The following EVC variants were observed in gnomAD, a reference collection of about 807,000 sequenced individuals.
EVC encodes the protein evC complex member EVC.
Under a neutral mutation model 118.9 loss-of-function variants are expected in EVC, and 116 were observed. The ratio of observed to expected loss-of-function variants is 0.98; its 90% confidence interval spans 0.84 to 1.14. The LOEUF (loss-of-function observed/expected upper bound fraction) is 1.14, where lower values mean the gene tolerates loss of function less well. Ranked by LOEUF, EVC falls within the 50% of genes most tolerant of loss-of-function variation. EVC has a pLI of 0.00. For missense variants in EVC, 1,401 were observed against 1,246.4 expected (o/e 1.12, Z -1.87); for synonymous variants, 619 against 534.7 (o/e 1.16, Z -2.18).
At chr4:5,790,028 A>G (rs1257300748) in intron 12 of EVC, among the ~76,000 whole-genome samples, 2 of 152,090 alleles carry the variant, frequency 1.3e-5, no homozygotes, top group Non-Finnish European at 2.9e-5. Flanking sequence ...TAAAAATACA[A>G]AAATGAGTCG....
At chr4:5,771,878 C>G (rs768109501) in intron 11 of EVC, among the ~76,000 whole-genome samples, 16 of 147,724 alleles carry the variant, frequency 1.1e-4, no homozygotes, top group Non-Finnish European at 1.9e-4. Context: ...CGGAATGTGG[C>G]TTTTTATTTT....
intron 8 of EVC, 129 bp downstream of exon 8, chr4:5,748,435 A>T: frequency 1.1e-6 from 1 of 934,708 alleles, no homozygotes; most frequent in Non-Finnish European, 1.6e-6. Context: ...AGGGAAAAAA[A>T]AACCAACAAC....
intron 2 of EVC, among the ~76,000 whole-genome samples, chr4:5,725,431 T>C (rs946018769): frequency 6.6e-6 from 1 of 152,218 alleles, no homozygotes; most frequent in African/African-American, 2.4e-5. Context: ...TGGCATGAGA[T>C]GGTATCTCAT....
intron 5 of EVC, among the ~76,000 whole-genome samples, chr4:5,734,358 A>C (rs1195401718): frequency 1.3e-5 from 2 of 152,130 alleles, no homozygotes; most frequent in Admixed American, 1.3e-4. Flanking sequence ...ATCACGTTGG[A>C]GGCCAGGCAT....
intron 1 of EVC, among the ~76,000 whole-genome samples, chr4:5,717,214 T>G (rs896860979): frequency 1.3e-5 from 2 of 152,270 alleles, no homozygotes; most frequent in African/African-American, 2.4e-5. Context: ...TTGTATTGAG[T>G]TTTTCATATT....
Position 5,748,229 on chromosome 4 carries a change from C to T in EVC, c.1021C>T (p.Gln341Ter), listed in dbSNP as rs1729663828. The change falls in exon 8 of 21, where the codon CAG becomes TAG. Residue 341 changes from glutamine (Q) to a stop codon, truncating the protein, a stop_gained. Transcript: ENST00000264956. LOFTEE classifies it high-confidence loss of function. ...QFKCSSSKARQLMMTLTERMI... is the reference protein window; with the variant it reads ...QFKCSSSKAR ...TAAGTGTTCCAGCTCCAAAGCCCGA[C>T]AGCTGATGATGACTCTGACGGAAAG... is the stretch of plus-strand genomic sequence containing the variant. 6 of 1,614,074 alleles carry T rather than the reference C, an allele frequency of 3.7e-6. No homozygotes were observed. The highest frequency in any genetic ancestry group is 1.3e-5 in the African/African-American group (1 of 74,934).
At chr4:5,763,936 A>G (rs1732462525) in intron 11 of EVC, among the ~76,000 whole-genome samples, 10 of 130,080 alleles carry the variant, frequency 7.7e-5, no homozygotes, top group Admixed American at 1.5e-4. Flanking sequence ...TTCCAACACT[A>G]TGTTGAATAG....
chr4:5,733,546 AC>A (rs1468809479), intron 5 of EVC, 111 bp downstream of exon 5: 1 of 963,914 alleles, frequency 1.0e-6, no homozygotes, highest in East Asian at 2.5e-5. Context: ...ATCAGTGGAA[AC>A]AGAGCCGCTG....
chr4:5,758,851 C>A (rs1007433565), intron 11 of EVC, among the ~76,000 whole-genome samples: 1 of 152,182 alleles, frequency 6.6e-6, no homozygotes, highest in Admixed American at 6.5e-5. Flanking sequence ...AGTATGTAAA[C>A]AAGAGACCAC....
the EVC span, chr4:5,824,585 C>T: frequency 2.1e-6 from 2 of 962,712 alleles, no homozygotes; most frequent in Non-Finnish European, 2.5e-6. Context: ...CCAAATCCGG[C>T]CCACCGCCTG....
At chr4:5,787,990 C>T (rs865785743) in intron 12 of EVC, among the ~76,000 whole-genome samples, 6 of 152,160 alleles carry the variant, frequency 3.9e-5, no homozygotes, top group Non-Finnish European at 1.5e-5. Context: ...CTTCTCCTCC[C>T]AGCTCACTTC....
At chr4:5,727,517 T>C (rs201439552) in intron 2 of EVC, among the ~76,000 whole-genome samples, 303 of 144,862 alleles carry the variant, frequency 2.1e-3, no homozygotes, top group South Asian at 3.1e-3. Context: ...TCCCATTTTG[T>C]AGGTTGCCTG....
At position 5,752,980 on chromosome 4, in the gene EVC, G is replaced by C. The variant is rs778330232; in HGVS notation, c.1243G>C (p.Gly415Arg). The change falls in exon 9 of 21, where the codon GGG becomes CGG. Residue 415 changes from glycine to arginine, a missense_variant. Gly to Arg is a moderately radical substitution (Grantham distance 125). Coordinates refer to ENST00000264956, the MANE Select transcript of EVC (RefSeq NM_153717.3). ...GCTGGCTGGTGAGGGGAAGCTGTCCGGGCGGCAGAAGGAGGAGCTGCTCAC... is the reference window on the plus strand; with the variant it reads ...GCTGGCTGGTGAGGGGAAGCTGTCCCGGCGGCAGAAGGAGGAGCTGCTCAC... ...ELLAGEGKLS[G>R]RQKEELLTQQ... The C allele has an allele frequency of 3.7e-6, 6 of 1,613,664 alleles. No individual in the cohort carries two copies. The highest frequency in any genetic ancestry group is 2.2e-5 in the East Asian group (1 of 44,864).
chr4:5,715,733 C>A (rs1366801164), intron 1 of EVC, among the ~76,000 whole-genome samples: 2 of 128,062 alleles, frequency 1.6e-5, no homozygotes, highest in Non-Finnish European at 3.1e-5. Context: ...AGGCATTTTT[C>A]CATTGTCTTT....
chr4:5,711,306 T>A lies in EVC; in HGVS notation c.-75T>A, dbSNP rs1332487495. 3.1e-6 allele frequency: 3 copies of A among 970,666 alleles called. No individual in the cohort carries two copies. The highest frequency in any genetic ancestry group is 1.8e-5 in the African/African-American group (1 of 56,888). 60.1% of individuals were successfully genotyped at this position (970,666 alleles called of 1,614,324 possible). ...GCCCCTGGCCCGCCCGGGCTCCAAGTCCCGCGTCGCCGCCCTGGCGGGGAC... is the reference window on the plus strand; with the variant it reads ...GCCCCTGGCCCGCCCGGGCTCCAAGACCCGCGTCGCCGCCCTGGCGGGGAC... On this transcript the variant is annotated 5_prime_UTR_variant, in exon 1 of 21. Transcript: ENST00000264956.
intron 16 of EVC, among the ~76,000 whole-genome samples, chr4:5,803,451 G>T (rs1384246663): frequency 6.6e-6 from 1 of 152,196 alleles, no homozygotes; most frequent in Non-Finnish European, 1.5e-5. Flanking sequence ...AGACATGATT[G>T]CTTGCTACTG....
chr4:5,810,569 G>C, intron 20 of EVC, 119 bp downstream of exon 20: 1 of 790,968 alleles, frequency 1.3e-6, no homozygotes, highest in African/African-American at 1.7e-5. Context: ...TAAATGTGAA[G>C]GTTCAAGAAA....
the EVC span, chr4:5,824,617 G>A: frequency 1.1e-6 from 1 of 949,270 alleles, no homozygotes; most frequent in Non-Finnish European, 1.3e-6. Context: ...TCCATGACCT[G>A]AGAATAGTTT....
chr4:5,766,766 A>T (rs199982951), intron 11 of EVC, among the ~76,000 whole-genome samples: 40,610 of 117,782 alleles, frequency 0.34, 6,719 homozygotes, highest in East Asian at 0.42. Context: ...AGCTCCTTTA[A>T]GCACTTCTCT....
Sources: gnomAD v4.1 joint callset for allele counts (sites outside exome capture counted in the v4.1 genomes callset) on GRCh38, gnomAD v4.1.1 for gene constraint, MANE v1.5 for transcripts, NCBI Gene and HGNC (gene_info 2026-07-23, HGNC 2026-07-21) for gene names.